FUT9: variants seen among roughly 807,000 people sequenced by gnomAD.
FUT9 encodes 4-galactosyl-N-acetylglucosaminide 3-alpha-L-fucosyltransferase 9.
Under a neutral mutation model 29.7 loss-of-function variants are expected in FUT9, and 15 were observed. That is an observed-to-expected ratio of 0.51 (90% CI 0.34 to 0.78). The LOEUF is 0.78. Among genes scored for constraint, FUT9 ranks in the 30% least tolerant of loss-of-function variants. FUT9 has a pLI of 0.01. For synonymous variants in FUT9, 169 were observed against 153.7 expected, an observed-to-expected ratio of 1.10 and a Z score of -0.74; for missense variants, 319 against 425.4, an observed-to-expected ratio of 0.75 and a Z score of 2.20.
At chr6:96,134,892 A>T (rs1464039980) in intron 2 of FUT9, among the ~76,000 whole-genome samples, 1 of 151,802 alleles carries the variant, frequency 6.6e-6, no homozygotes, top group East Asian at 1.9e-4. Context: ...TTATTTTTTG[A>T]TAAATAATAG....
At chr6:96,115,693 C>T (rs930070348) in intron 2 of FUT9, among the ~76,000 whole-genome samples, 1 of 152,100 alleles carries the variant, frequency 6.6e-6, no homozygotes, top group Non-Finnish European at 1.5e-5. Flanking sequence ...ATTTTGAAGG[C>T]CAACTTCAGA....
intron 1 of FUT9, among the ~76,000 whole-genome samples, chr6:96,050,473 C>A (rs764169729): frequency 1.3e-5 from 2 of 152,156 alleles, no homozygotes; most frequent in Non-Finnish European, 2.9e-5. Context: ...GCTTTTCAAG[C>A]GATTCTAACA....
rs1350761657 is a variant in FUT9, at chr6:96,205,256, TATC to T, written c.*1026_*1028del. The T allele has an allele frequency of 1.2e-5, 2 of 166,958 alleles. No homozygotes were observed. The highest frequency in any genetic ancestry group is 4.8e-5 in the African/African-American group (2 of 41,430). 10.3% of individuals were successfully genotyped at this position (166,958 alleles called of 1,614,324 possible). On this transcript the variant is annotated 3_prime_UTR_variant, in exon 3 of 3. Transcript: ENST00000302103. ...TCATTTAAGAGAGCCTAAATAAAAT[TATC>T]ATCAAGGTATTAAATATAAGACGTT...
intron 1 of FUT9, among the ~76,000 whole-genome samples, chr6:96,105,476 C>A: frequency 6.6e-6 from 1 of 152,106 alleles, no homozygotes; most frequent in East Asian, 1.9e-4. Context: ...ATTGCCATAG[C>A]ATAAAATAGC....
At chr6:96,029,888 A>G (rs372731902) in intron 1 of FUT9, among the ~76,000 whole-genome samples, 14 of 151,734 alleles carry the variant, frequency 9.2e-5, no homozygotes, top group African/African-American at 3.4e-4. Flanking sequence ...TGAGAAGTGA[A>G]AGGAAATATT....
In FUT9 at chr6:96,204,528, A is replaced by C; in HGVS notation, c.*293A>C. The C allele has an allele frequency of 5.0e-6, 1 of 199,452 alleles. No individual in the cohort carries two copies. The highest frequency in any genetic ancestry group is 1.1e-5 in the Non-Finnish European group (1 of 90,070). The allele number at this position is 199,452 out of a possible 1,614,324, so 12.4% of individuals were successfully genotyped here. ...CATTTTTGTAGTTGTCCATAATGTAAGCTTGTGGTTTGATTATTGTTTCCA... is the reference window on the plus strand; with the variant it reads ...CATTTTTGTAGTTGTCCATAATGTACGCTTGTGGTTTGATTATTGTTTCCA... On this transcript the variant is annotated 3_prime_UTR_variant, in exon 3 of 3. Transcript: ENST00000302103.
At chr6:96,139,842 C>T (rs890190311) in intron 2 of FUT9, among the ~76,000 whole-genome samples, 8 of 152,020 alleles carry the variant, frequency 5.3e-5, no homozygotes, top group African/African-American at 1.7e-4. Context: ...AGAGTGGGGC[C>T]TCCATGCCTG....
chr6:96,203,830 T>C lies in FUT9; in HGVS notation c.675T>C (p.Tyr225=), dbSNP rs779894832. The change falls in exon 3 of 3, where the codon TAT becomes TAC. Residue 225 remains tyrosine (Y), a synonymous_variant. Transcript: ENST00000302103. ...IHTYGQAFGE[Y]VNDKNLIPTI... is the part of the protein sequence containing the mutation. The stretch of plus-strand genomic sequence containing the variant: ...CCTACGGGCAAGCATTTGGAGAATA[T>C]GTCAATGATAAAAATTTGATTCCTA... The C allele has an allele frequency of 7.4e-6, 12 of 1,611,748 alleles. No homozygotes were observed. The highest frequency in any genetic ancestry group is 9.3e-6 in the Non-Finnish European group (11 of 1,178,140).
intron 2 of FUT9, among the ~76,000 whole-genome samples, chr6:96,190,741 ATG>A (rs1315924054): frequency 6.6e-6 from 1 of 152,132 alleles, no homozygotes; most frequent in Non-Finnish European, 1.5e-5. Context: ...TTCTTGTGCC[ATG>A]GTTTTCCGCT....
intron 2 of FUT9, among the ~76,000 whole-genome samples, chr6:96,195,604 T>A (rs1408886303): frequency 6.6e-6 from 1 of 152,146 alleles, no homozygotes; most frequent in Non-Finnish European, 1.5e-5. Context: ...TCAAGGGAAT[T>A]TTTGAAAGCG....
chr6:96,081,509 T>A (rs1771236425), intron 1 of FUT9, among the ~76,000 whole-genome samples: 1 of 151,880 alleles, frequency 6.6e-6, no homozygotes, highest in Admixed American at 6.6e-5. Flanking sequence ...GCAATTGTCT[T>A]ACTATCTTAC....
intron 2 of FUT9, among the ~76,000 whole-genome samples, chr6:96,138,660 G>A: frequency 6.6e-6 from 1 of 152,062 alleles, no homozygotes; most frequent in African/African-American, 2.4e-5. Flanking sequence ...TTCGAAGCTG[G>A]GCAGCAGCAT....
chr6:96,106,960 T>A (rs901851080), intron 1 of FUT9, among the ~76,000 whole-genome samples: 3 of 152,252 alleles, frequency 2.0e-5, no homozygotes. Flanking sequence ...ACTTTATGTA[T>A]GTCTGCCTTC....
chr6:96,086,365 G>A (rs745887810), intron 1 of FUT9, among the ~76,000 whole-genome samples: 4 of 151,942 alleles, frequency 2.6e-5, no homozygotes, highest in Non-Finnish European at 5.9e-5. Flanking sequence ...TTATCAATTT[G>A]TTGTCAGCTT....
chr6:96,097,671 A>C (rs1771523979), intron 1 of FUT9, among the ~76,000 whole-genome samples: 1 of 152,118 alleles, frequency 6.6e-6, no homozygotes, highest in African/African-American at 2.4e-5. Flanking sequence ...ACATAGTTCA[A>C]TTTCTTACTC....
At chr6:96,080,691 G>A (rs2127950645) in intron 1 of FUT9, among the ~76,000 whole-genome samples, 1 of 151,992 alleles carries the variant, frequency 6.6e-6, no homozygotes, top group South Asian at 2.1e-4. Flanking sequence ...CCTTCCTAAA[G>A]TGGTCATATC....
rs1370119904 is a variant in FUT9, at chr6:96,204,315, T to C, written c.*80T>C. The C allele has an allele frequency of 3.8e-5, 38 of 989,728 alleles. No homozygotes were observed. The highest frequency in any genetic ancestry group is 2.8e-6 in the Non-Finnish European group (2 of 708,778). The allele number at this position is 989,728 out of a possible 1,614,324, so 61.3% of individuals were successfully genotyped here. ...ATTGAGGATAAGAAGAGATGCAACA[T>C]ACTACTTTTGTGTCACAATTTATTT... On this transcript the variant is annotated 3_prime_UTR_variant, in exon 3 of 3. Transcript: ENST00000302103.
rs768630772 is a variant in FUT9 at position 96,074,377 on chromosome 6, T to C, written c.-97-39662T>C. On this transcript the variant is annotated intron_variant, in intron 1 of 2. Coordinates refer to ENST00000302103, the MANE Select transcript of FUT9 (RefSeq NM_006581.4). ...TTTCTTGGGAAGAAAGCAAATGGTA[T>C]AATGAAAGTAATATTGAGTTTGGAC... Among the ~76,000 whole-genome samples, 9 of 152,204 alleles carry C rather than the reference T, an allele frequency of 5.9e-5. 1 individual carries two copies. The highest frequency in any genetic ancestry group is 1.3e-4 in the Non-Finnish European group (9 of 68,040).
At chr6:96,088,028 G>T (rs912013474) in intron 1 of FUT9, among the ~76,000 whole-genome samples, 3 of 152,110 alleles carry the variant, frequency 2.0e-5, no homozygotes, top group Non-Finnish European at 4.4e-5. Context: ...TTTCCCTGCT[G>T]TCGTTTGGCT....
Sources: gnomAD v4.1 joint callset for allele counts (sites outside exome capture counted in the v4.1 genomes callset) on GRCh38, gnomAD v4.1.1 for gene constraint, MANE v1.5 for transcripts, NCBI Gene and HGNC (gene_info 2026-07-23, HGNC 2026-07-21) for gene names.